The following CSRNP3 variants were observed in gnomAD, a reference collection of about 807,000 sequenced individuals.
The protein encoded by CSRNP3 is cysteine and serine rich nuclear protein 3, also known as cysteine/serine-rich nuclear protein 3.
Under a neutral mutation model 48.0 loss-of-function variants are expected in CSRNP3, and 12 were observed. That is an observed-to-expected ratio of 0.25 (90% confidence interval 0.16 to 0.41). The LOEUF is 0.41. CSRNP3 is among the 10% of genes least tolerant of loss of function. The pLI is 1.00. For missense variants in CSRNP3, 580 were observed against 724.4 expected (o/e 0.80, Z 2.29); for synonymous variants, 263 against 269.7 (o/e 0.98, Z 0.24).
chr2:165,477,166 G>A (rs1031606137), intron 1 of CSRNP3, among the ~76,000 whole-genome samples: 3 of 151,700 alleles, frequency 2.0e-5, no homozygotes, highest in Non-Finnish European at 2.9e-5. Context: ...TTCAAAATTG[G>A]GGCATAGATC....
chr2:165,532,724 A>G (rs1684831025), intron 3 of CSRNP3, among the ~76,000 whole-genome samples: 1 of 152,186 alleles, frequency 6.6e-6, no homozygotes, highest in South Asian at 2.1e-4. Context: ...ATCAGGCAGG[A>G]GAAGGAAATA....
chr2:165,501,274 A>G (rs1684356345), intron 2 of CSRNP3, among the ~76,000 whole-genome samples: 1 of 152,184 alleles, frequency 6.6e-6, no homozygotes, highest in African/African-American at 2.4e-5. Flanking sequence ...AGTTAAGTTA[A>G]CTGAGTAATT....
At chr2:165,635,710 G>C (rs1686615816) in intron 4 of CSRNP3, among the ~76,000 whole-genome samples, 1 of 152,138 alleles carries the variant, frequency 6.6e-6, no homozygotes, top group Non-Finnish European at 1.5e-5. Flanking sequence ...TTTAGTCTTT[G>C]TGTTAAAGGG....
intron 3 of CSRNP3, among the ~76,000 whole-genome samples, chr2:165,554,424 A>C (rs1685137372): frequency 6.6e-6 from 1 of 152,168 alleles, no homozygotes. Flanking sequence ...CCTATTTGAC[A>C]TCTCCACTTG....
At chr2:165,594,542 T>C (rs921420196) in intron 3 of CSRNP3, among the ~76,000 whole-genome samples, 13 of 152,328 alleles carry the variant, frequency 8.5e-5, no homozygotes, top group African/African-American at 3.1e-4. Flanking sequence ...ATGTCACCCA[T>C]TGCAATACTG....
At chr2:165,619,431 A>G (rs1686303416) in intron 4 of CSRNP3, among the ~76,000 whole-genome samples, 1 of 152,174 alleles carries the variant, frequency 6.6e-6, no homozygotes, top group Non-Finnish European at 1.5e-5. Flanking sequence ...AGGCTAAGGA[A>G]CAAACAGTGT....
At chr2:165,536,809 T>G (rs1364730130) in intron 3 of CSRNP3, among the ~76,000 whole-genome samples, 1 of 151,904 alleles carries the variant, frequency 6.6e-6, no homozygotes, top group African/African-American at 2.4e-5. Context: ...TTGAATACAT[T>G]AAATGTTATA....
At position 165,684,204 on chromosome 2, in the gene CSRNP3, T is replaced by C. The variant is rs1239895068; in HGVS notation, c.*4451T>C. 6.6e-6 allele frequency: 1 copy of C among 152,140 alleles called. No homozygotes were observed. The highest frequency in any genetic ancestry group is 2.4e-5 in the African/African-American group (1 of 41,448). The allele number at this position is 152,140 out of a possible 1,614,324, so 9.4% of individuals were successfully genotyped here. On this transcript the variant is annotated 3_prime_UTR_variant, in exon 7 of 7. Coordinates refer to ENST00000651982, the MANE Select transcript of CSRNP3 (RefSeq NM_001172173.2). ...GTTGCAAATTCCAAAGACATCACTT[T>C]GCAGCAGGTGGAAAACAGAGAGGTT...
In CSRNP3 at chr2:165,544,048, A is replaced by G. The variant is rs571340657; in HGVS notation, c.-24+26087A>G. ...TTTGAATATAATATATATTCTGTATATGTAAAATATACAGAATATCATATA... is the reference window on the plus strand; with the variant it reads ...TTTGAATATAATATATATTCTGTATGTGTAAAATATACAGAATATCATATA... On this transcript the variant is annotated intron_variant, in intron 3 of 6. Transcript: ENST00000651982. Among the ~76,000 whole-genome samples the G allele has an allele frequency of 3.3e-5, 5 of 151,980 alleles. 1 individual carries two copies. In the South Asian group the frequency reaches 6.2e-4, roughly 19 times the overall value.
At chr2:165,637,480 G>A (rs1686649798) in intron 4 of CSRNP3, among the ~76,000 whole-genome samples, 1 of 152,170 alleles carries the variant, frequency 6.6e-6, no homozygotes, top group Non-Finnish European at 1.5e-5. Flanking sequence ...GGTGGTATTA[G>A]TACTCATAGC....
rs190669733 is a variant in CSRNP3, at chr2:165,568,499, T to A, written c.-23-26544T>A. On this transcript the variant is annotated intron_variant, in intron 3 of 6. Transcript: ENST00000651982. ...CCACTTACTACTAGGAACTCCCTTT[T>A]CTCCCAGAATGCCTATATGTGATTT... 5.3e-5 allele frequency among the ~76,000 whole-genome samples: 8 copies of A among 152,236 alleles called. No individual in the cohort carries two copies. In the Middle Eastern group the frequency reaches 0.01, roughly 194 times the overall value.
chr2:165,527,374 T>C (rs1041089935), intron 3 of CSRNP3, among the ~76,000 whole-genome samples: 3 of 151,548 alleles, frequency 2.0e-5, no homozygotes, highest in Non-Finnish European at 4.4e-5. Context: ...CCCAGCTAAT[T>C]TTTTGTATTT....
intron 3 of CSRNP3, among the ~76,000 whole-genome samples, chr2:165,541,686 A>T (rs2105252834): frequency 6.6e-6 from 1 of 152,216 alleles, no homozygotes; most frequent in East Asian, 1.9e-4. Flanking sequence ...CTCTCATGTG[A>T]CCACTGTAGA....
intron 1 of CSRNP3, among the ~76,000 whole-genome samples, chr2:165,471,031 A>T (rs1683888778): frequency 6.6e-6 from 1 of 150,878 alleles, no homozygotes. Context: ...TGTTTGAGAG[A>T]TTTTGTCTTT....
intron 1 of CSRNP3, among the ~76,000 whole-genome samples, chr2:165,478,813 A>T (rs535948534): frequency 6.6e-6 from 1 of 152,326 alleles, no homozygotes; most frequent in South Asian, 2.1e-4. Flanking sequence ...GGTTACTTCC[A>T]TCCTAAGCTT....
chr2:165,579,569 G>A (rs1309560638), intron 3 of CSRNP3, among the ~76,000 whole-genome samples: 33 of 152,168 alleles, frequency 2.2e-4, no homozygotes, highest in Admixed American at 2.2e-3. Context: ...TCAATTACAA[G>A]GGGAGCCTGG....
chr2:165,659,329 A>G (rs1687060638), intron 5 of CSRNP3, among the ~76,000 whole-genome samples: 1 of 152,186 alleles, frequency 6.6e-6, no homozygotes, highest in Admixed American at 6.5e-5. Flanking sequence ...GCAGTGCTTA[A>G]TGACAGGTTG....
intron 5 of CSRNP3, among the ~76,000 whole-genome samples, chr2:165,675,618 G>C (rs916344272): frequency 1.3e-5 from 2 of 152,130 alleles, no homozygotes; most frequent in African/African-American, 2.4e-5. Context: ...TTTGGGTGAG[G>C]GTTTGTGTGA....
At chr2:165,580,696 A>T (rs2105282509) in intron 3 of CSRNP3, among the ~76,000 whole-genome samples, 1 of 152,310 alleles carries the variant, frequency 6.6e-6, no homozygotes, top group Admixed American at 6.5e-5. Flanking sequence ...GGATATCATT[A>T]TCTTAAATAG....
Sources: gnomAD v4.1 joint callset for allele counts (sites outside exome capture counted in the v4.1 genomes callset) on GRCh38, gnomAD v4.1.1 for gene constraint, MANE v1.5 for transcripts, NCBI Gene and HGNC (gene_info 2026-07-23, HGNC 2026-07-21) for gene names.